FSD2: variants seen among roughly 807,000 people sequenced by gnomAD.
FSD2 encodes fibronectin type III and SPRY domain containing 2, also known as fibronectin type III and SPRY domain-containing protein 2.
In FSD2, 71 loss-of-function variants were observed where a neutral mutation model predicts 80.4. The ratio of observed to expected loss-of-function variants is 0.88; its 90% CI spans 0.73 to 1.08. FSD2 has a LOEUF of 1.08. Ranked by LOEUF, FSD2 falls within the 50% of genes least tolerant of loss-of-function variation. The probability of loss-of-function intolerance (pLI) is 0.00; values close to 1 mark genes in which losing one functional copy is unlikely to be tolerated. For missense variants in FSD2, 923 were observed against 913.8 expected, an observed-to-expected ratio of 1.01 and a Z score of -0.13; for synonymous variants, 361 against 329.5, an observed-to-expected ratio of 1.10 and a Z score of -1.03.
chr15:82,766,816 G>A (rs1340696360), intron 9 of FSD2, among the ~76,000 whole-genome samples: 1 of 151,522 alleles, frequency 6.6e-6, no homozygotes, highest in East Asian at 1.9e-4. Flanking sequence ...GTTAACTGCT[G>A]TTAACCCCCT....
intron 6 of FSD2, 112 bp downstream of exon 6, chr15:82,778,653 AC>A: frequency 8.3e-7 from 1 of 1,199,812 alleles, no homozygotes; most frequent in Non-Finnish European, 1.1e-6. Flanking sequence ...ATTGTATTGT[AC>A]ACTTTAAAAT....
chr15:82,791,540 T>G (rs1266543816), intron 1 of FSD2, among the ~76,000 whole-genome samples: 1 of 151,874 alleles, frequency 6.6e-6, no homozygotes, highest in Middle Eastern at 3.2e-3. Flanking sequence ...CTGGCTAACT[T>G]TTTAATTTTT....
At chr15:82,800,102 A>G (rs1427960822) in intron 1 of FSD2, among the ~76,000 whole-genome samples, 2 of 152,124 alleles carry the variant, frequency 1.3e-5, no homozygotes, top group African/African-American at 4.8e-5. Context: ...GGCCTCGGGA[A>G]GAAGAACTCT....
chr15:82,782,771 A>G (rs1288916585), intron 4 of FSD2, 24 bp downstream of exon 4: 8 of 1,530,338 alleles, frequency 5.2e-6, no homozygotes, highest in African/African-American at 1.4e-5. Context: ...TATGTTCATT[A>G]TTTCATTTTG....
Position 82,759,581 on chromosome 15 carries a change from G to T in FSD2, c.2017C>A (p.His673Asn). The T allele has an allele frequency of 6.3e-7, 1 of 1,587,444 alleles. No individual in the cohort carries two copies. Among genetic ancestry groups the T allele is most frequent in the Non-Finnish European group, 8.6e-7 (1 of 1,166,152 alleles). The change falls in exon 13 of 13, where the codon CAC (histidine) becomes AAC (asparagine). Residue 673 changes from histidine to asparagine, a missense_variant. Transcript: ENST00000334574. ...CTTATATCTGGAGTTGTTCTGTTGT[G>T]CAGAAATTCATACTTATGCCTGAAA... ...ASSRHKYEFL[H>N]NRTTPDIRIT... is the part of the protein sequence containing the mutation.
intron 11 of FSD2, among the ~76,000 whole-genome samples, chr15:82,763,367 C>T (rs1388075654): frequency 6.6e-6 from 1 of 152,160 alleles, no homozygotes; most frequent in Non-Finnish European, 1.5e-5. Flanking sequence ...TGCTTCAACC[C>T]TTAATAGCAT....
chr15:82,787,881 G>A (rs1235478146), intron 1 of FSD2, among the ~76,000 whole-genome samples: 2 of 152,054 alleles, frequency 1.3e-5, no homozygotes, highest in Non-Finnish European at 2.9e-5. Flanking sequence ...CAGGGTGCAA[G>A]CAATTCTTGT....
intron 7 of FSD2, 118 bp downstream of exon 7, chr15:82,771,955 C>T (rs964244765): frequency 3.7e-6 from 4 of 1,072,040 alleles, no homozygotes; most frequent in South Asian, 1.9e-5. Flanking sequence ...ATCCAATCCT[C>T]TGCATGTCTA....
chr15:82,799,802 C>CTAGAG (rs916855912), intron 1 of FSD2, among the ~76,000 whole-genome samples: 40 of 152,300 alleles, frequency 2.6e-4, no homozygotes, highest in African/African-American at 9.6e-4. Context: ...GTCAGAAAGT[C>CTAGAG]TAGAGTGAGG....
intron 1 of FSD2, among the ~76,000 whole-genome samples, chr15:82,802,332 C>G (rs140560257): frequency 2.6e-4 from 40 of 152,280 alleles, no homozygotes; most frequent in African/African-American, 9.6e-4. Context: ...TGTTTCCCTC[C>G]GATGGTTCCC....
At chr15:82,779,699 A>C (rs1489639582) in intron 5 of FSD2, among the ~76,000 whole-genome samples, 3 of 151,768 alleles carry the variant, frequency 2.0e-5, no homozygotes, top group Non-Finnish European at 2.9e-5. Context: ...AACCAGTTCC[A>C]TCTTTGCCAA....
intron 1 of FSD2, among the ~76,000 whole-genome samples, chr15:82,792,410 C>A (rs996865321): frequency 6.6e-6 from 1 of 152,122 alleles, no homozygotes; most frequent in Non-Finnish European, 1.5e-5. Context: ...CGTTTGTATA[C>A]CTGCTTTGAA....
intron 1 of FSD2, among the ~76,000 whole-genome samples, chr15:82,798,313 C>T (rs1221968677): frequency 1.3e-5 from 2 of 152,070 alleles, no homozygotes; most frequent in Non-Finnish European, 2.9e-5. Flanking sequence ...CCACTGCACT[C>T]CAGCCTGGGT....
intron 7 of FSD2, 136 bp from the exon 8 acceptor site, chr15:82,770,020 G>T: frequency 1.1e-6 from 1 of 905,770 alleles, no homozygotes; most frequent in Non-Finnish European, 1.7e-6. Flanking sequence ...TCCCTCTGCA[G>T]CATGACTTTG....
intron 10 of FSD2, 48 bp downstream of exon 10, chr15:82,765,850 A>G (rs773048142): frequency 1.9e-6 from 3 of 1,565,188 alleles, no homozygotes; most frequent in Admixed American, 1.8e-5. Context: ...GGTCTGCCAC[A>G]GAGTGGCCAC....
intron 12 of FSD2, among the ~76,000 whole-genome samples, chr15:82,761,440 C>G (rs529253788): frequency 6.6e-6 from 1 of 152,268 alleles, no homozygotes; most frequent in Admixed American, 6.5e-5. Context: ...ACTACTAAGC[C>G]TCTTGCCCAC....
intron 1 of FSD2, among the ~76,000 whole-genome samples, chr15:82,788,466 C>T (rs1179301110): frequency 9.5e-5 from 13 of 137,424 alleles, no homozygotes; most frequent in Non-Finnish European, 1.8e-4. Context: ...AATCACACCA[C>T]TGCGCTCCAG....
chr15:82,784,389 C>T (rs533674176), intron 3 of FSD2, among the ~76,000 whole-genome samples: 2 of 152,084 alleles, frequency 1.3e-5, no homozygotes, highest in South Asian at 4.2e-4. Flanking sequence ...GGATTACAGG[C>T]ACCCACCACC....
chr15:82,789,868 C>T (rs1461690293), intron 1 of FSD2, among the ~76,000 whole-genome samples: 4 of 152,078 alleles, frequency 2.6e-5, no homozygotes, highest in Non-Finnish European at 5.9e-5. Flanking sequence ...CCAGCCTGGG[C>T]AACATAGCAA....
Sources: gnomAD v4.1 joint callset for allele counts (sites outside exome capture counted in the v4.1 genomes callset) on GRCh38, gnomAD v4.1.1 for gene constraint, MANE v1.5 for transcripts, NCBI Gene and HGNC (gene_info 2026-07-23, HGNC 2026-07-21) for gene names.